The following KHDRBS2 variants were observed in gnomAD, a reference collection of about 807,000 sequenced individuals.
The protein encoded by KHDRBS2 is KH domain-containing, RNA-binding, signal transduction-associated protein 2.
A neutral mutation model predicts 44.3 loss-of-function variants in KHDRBS2; 26 were observed. The ratio of observed to expected loss-of-function variants is 0.59; its 90% confidence interval spans 0.43 to 0.81. The LOEUF (loss-of-function observed/expected upper bound fraction) is 0.81, where lower values mean the gene tolerates loss of function less well. Ranked by LOEUF, KHDRBS2 falls within the 40% of genes least tolerant of loss-of-function variation. KHDRBS2 has a pLI of 0.00. For missense variants in KHDRBS2, 476 were observed against 433.1 expected (o/e 1.10, Z -0.88); for synonymous variants, 194 against 151.1 (o/e 1.28, Z -2.08).
chr6:62,220,991 C>T (rs1168284833), intron 1 of KHDRBS2, among the ~76,000 whole-genome samples: 1 of 151,806 alleles, frequency 6.6e-6, no homozygotes, highest in Non-Finnish European at 1.5e-5. Context: ...AATTAAATCA[C>T]CACCTTGTAA....
intron 1 of KHDRBS2, among the ~76,000 whole-genome samples, chr6:62,179,567 A>G (rs1821839758): frequency 6.6e-6 from 1 of 151,792 alleles, no homozygotes; most frequent in African/African-American, 2.4e-5. Flanking sequence ...ACATAATGTC[A>G]TACTTTGTAG....
intron 1 of KHDRBS2, among the ~76,000 whole-genome samples, chr6:62,269,575 C>T (rs1043532739): frequency 2.0e-5 from 3 of 152,022 alleles, no homozygotes; most frequent in Admixed American, 2.0e-4. Flanking sequence ...GTTAAAAAGA[C>T]TGAGAACGTC....
chr6:61,651,991 C>T, the KHDRBS2 span, among the ~76,000 whole-genome samples: 1 of 152,012 alleles, frequency 6.6e-6, no homozygotes, highest in Admixed American at 6.6e-5. Flanking sequence ...CTTTACTTCC[C>T]CTTTCCCTTC....
the KHDRBS2 span, among the ~76,000 whole-genome samples, chr6:61,657,940 T>C: frequency 2.0e-5 from 3 of 151,968 alleles, no homozygotes; most frequent in African/African-American, 7.2e-5. Flanking sequence ...AAAACTTTCA[T>C]AGCAAAAGTT....
intron 6 of KHDRBS2, among the ~76,000 whole-genome samples, chr6:61,885,161 A>G (rs911192552): frequency 1.3e-5 from 2 of 152,110 alleles, no homozygotes; most frequent in Non-Finnish European, 2.9e-5. Context: ...CGTTTTGATC[A>G]TCTTCTAATA....
the KHDRBS2 span, among the ~76,000 whole-genome samples, chr6:61,545,103 G>A: frequency 6.6e-6 from 1 of 151,950 alleles, no homozygotes; most frequent in Admixed American, 6.6e-5. Flanking sequence ...AAAAAAATTT[G>A]AGTAGGAAGC....
intron 3 of KHDRBS2, among the ~76,000 whole-genome samples, chr6:62,007,518 T>C (rs1274634058): frequency 6.6e-6 from 1 of 152,138 alleles, no homozygotes. Context: ...CATTTTTATT[T>C]ATGCTTAATT....
At chr6:62,253,352 C>T (rs1351792758) in intron 1 of KHDRBS2, among the ~76,000 whole-genome samples, 1 of 151,980 alleles carries the variant, frequency 6.6e-6, no homozygotes, top group East Asian at 1.9e-4. Context: ...AGACTGTCCT[C>T]TATATGGTCC....
intron 1 of KHDRBS2, among the ~76,000 whole-genome samples, chr6:62,184,893 T>A (rs1290615947): frequency 6.6e-6 from 1 of 151,926 alleles, no homozygotes; most frequent in Non-Finnish European, 1.5e-5. Context: ...AATGCCACTT[T>A]AAAATTATTA....
chr6:61,658,208 A>G, the KHDRBS2 span, among the ~76,000 whole-genome samples: 1 of 151,828 alleles, frequency 6.6e-6, no homozygotes, highest in Non-Finnish European at 1.5e-5. Context: ...ATAATATACA[A>G]GTTTTCAGGC....
At chr6:62,181,998 A>G (rs1376967308) in intron 1 of KHDRBS2, among the ~76,000 whole-genome samples, 2 of 152,014 alleles carry the variant, frequency 1.3e-5, no homozygotes, top group Non-Finnish European at 2.9e-5. Context: ...TGAGTAAGTT[A>G]AGGGAGCTCA....
intron 1 of KHDRBS2, among the ~76,000 whole-genome samples, chr6:62,183,154 A>G (rs568351749): frequency 1.8e-4 from 28 of 151,908 alleles, no homozygotes; most frequent in Non-Finnish European, 1.5e-5. Context: ...GATGCTTAAC[A>G]CAAGTTATTT....
At chr6:62,204,287 A>G (rs1827572870) in intron 1 of KHDRBS2, among the ~76,000 whole-genome samples, 2 of 152,208 alleles carry the variant, frequency 1.3e-5, no homozygotes, top group African/African-American at 4.8e-5. Context: ...ATGCACTGCA[A>G]TATGTCAGTG....
rs570913992 is a variant in KHDRBS2, at chr6:62,071,824, G to A, written c.220-23830C>T. On this transcript the variant is annotated intron_variant, in intron 2 of 8. Transcript: ENST00000281156. ...GCTTAGGATTGATTTGGCAATGCGG[G>A]CTCTTTTTTTGTTCCATATAAACTT... Among the ~76,000 whole-genome samples, 4 of 152,208 alleles carry A rather than the reference G, an allele frequency of 2.6e-5. No homozygotes were observed. In the South Asian group the frequency reaches 8.3e-4, roughly 32 times the overall value.
the KHDRBS2 span, among the ~76,000 whole-genome samples, chr6:61,668,305 G>A: frequency 6.6e-6 from 1 of 150,928 alleles, no homozygotes; most frequent in Non-Finnish European, 1.5e-5. Context: ...ATAATATGCA[G>A]TATTTATAAT....
intron 6 of KHDRBS2, among the ~76,000 whole-genome samples, chr6:61,806,307 C>T (rs571810986): frequency 6.6e-6 from 1 of 152,252 alleles, no homozygotes; most frequent in East Asian, 1.9e-4. Context: ...AGCCTGATAT[C>T]CTTGGGACCA....
intron 2 of KHDRBS2, among the ~76,000 whole-genome samples, chr6:62,114,902 A>G (rs779053089): frequency 9.9e-5 from 15 of 151,892 alleles, no homozygotes; most frequent in Non-Finnish European, 2.1e-4. Flanking sequence ...AAAAATGGAA[A>G]AAAACTCTCA....
rs142590803 is a variant in KHDRBS2 at position 61,943,984 on chromosome 6, A to G, written c.483+34082T>C. Among the ~76,000 whole-genome samples, 1,470 of 152,296 alleles carry G rather than the reference A, an allele frequency of 9.7e-3. 14 individuals carry two copies. The highest frequency in any genetic ancestry group is 0.015 in the Non-Finnish European group (1,029 of 68,002). On this transcript the variant is annotated intron_variant, in intron 4 of 8. Coordinates refer to ENST00000281156, the MANE Select transcript of KHDRBS2 (RefSeq NM_152688.4). ...TCAACTCATCCCTGTTAGAATAGCT[A>G]TTATGAAAAAGACAAAAAACAAACA...
At chr6:61,953,851 C>T (rs569917557) in intron 4 of KHDRBS2, among the ~76,000 whole-genome samples, 11 of 152,042 alleles carry the variant, frequency 7.2e-5, no homozygotes, top group African/African-American at 2.7e-4. Context: ...GGGCATGGGC[C>T]CCAGGCAAAT....
Sources: allele counts gnomAD v4.1 joint callset (sites outside exome capture counted in the v4.1 genomes callset), GRCh38; gene constraint gnomAD v4.1.1; transcripts MANE v1.5; gene names NCBI Gene and HGNC (gene_info 2026-07-23, HGNC 2026-07-21).